The following COL27A1 variants were observed in gnomAD, a reference collection of about 807,000 sequenced individuals.
The protein encoded by COL27A1 is collagen alpha-1(XXVII) chain.
COL27A1 carries 106 observed loss-of-function variants against 251.3 expected under a neutral mutation model. That is an observed-to-expected ratio of 0.42 (90% CI 0.36 to 0.50). The LOEUF (loss-of-function observed/expected upper bound fraction) is 0.50. Ranked by LOEUF, COL27A1 falls within the 20% of genes least tolerant of loss-of-function variation. COL27A1 has a pLI of 0.00. For synonymous variants in COL27A1, 1,000 were observed against 986.3 expected (o/e 1.01, Z -0.26); for missense variants, 2,325 against 2,522.8 (o/e 0.92, Z 1.68).
chr9:114,258,693 C>A, intron 28 of COL27A1, 99 bp downstream of exon 28: 1 of 1,246,270 alleles, frequency 8.0e-7, no homozygotes, highest in Non-Finnish European at 1.1e-6. Context: ...GCCCCTAGCC[C>A]AGCTCTGGGA....
At chr9:114,258,340 G>A (rs1057068995) in intron 27 of COL27A1, among the ~76,000 whole-genome samples, 1 of 152,168 alleles carries the variant, frequency 6.6e-6, no homozygotes, top group Admixed American at 6.5e-5. Context: ...GGCTGTGTTC[G>A]AGGCTGTGGC....
At chr9:114,309,926 C>T (rs920318287) in intron 60 of COL27A1, among the ~76,000 whole-genome samples, 2 of 152,192 alleles carry the variant, frequency 1.3e-5, no homozygotes, top group Non-Finnish European at 2.9e-5. Flanking sequence ...AATAATACTA[C>T]ACAGTGTTCA....
At chr9:114,165,237 A>G (rs1848748795) in intron 2 of COL27A1, among the ~76,000 whole-genome samples, 1 of 152,148 alleles carries the variant, frequency 6.6e-6, no homozygotes. Context: ...CCATTATAAC[A>G]TGCTGCCAGC....
chr9:114,211,192 CG>C (rs1383112492), intron 12 of COL27A1, among the ~76,000 whole-genome samples, 166 bp downstream of exon 12: 3 of 152,216 alleles, frequency 2.0e-5, no homozygotes, highest in Non-Finnish European at 4.4e-5. Context: ...TGCTGGCACA[CG>C]GCGTGACTGG....
At chr9:114,306,282 A>G (rs1829039658) in intron 57 of COL27A1, 2 of 467,340 alleles carry the variant, frequency 4.3e-6, no homozygotes, top group Middle Eastern at 5.8e-4. Context: ...ATCAGAGAAC[A>G]TGGTCTGACC....
chr9:114,180,406 AG>A (rs1381584255), intron 4 of COL27A1, among the ~76,000 whole-genome samples: 2 of 152,096 alleles, frequency 1.3e-5, no homozygotes, highest in African/African-American at 4.8e-5. Flanking sequence ...GGTCATGGTA[AG>A]GCATTTCTAA....
intron 24 of COL27A1, among the ~76,000 whole-genome samples, chr9:114,247,034 T>A (rs1833189849): frequency 6.6e-6 from 1 of 152,216 alleles, no homozygotes; most frequent in South Asian, 2.1e-4. Flanking sequence ...CTTGGATTTC[T>A]TTGCCAGGCT....
chr9:114,301,868 G>A (rs958790492), intron 55 of COL27A1, 151 bp downstream of exon 55: 10 of 930,312 alleles, frequency 1.1e-5, no homozygotes, highest in Middle Eastern at 4.5e-4. Flanking sequence ...GGCATCCCCC[G>A]AACATTCACT....
chr9:114,182,270 G>A, intron 4 of COL27A1, among the ~76,000 whole-genome samples: 1 of 151,622 alleles, frequency 6.6e-6, no homozygotes, highest in Non-Finnish European at 1.5e-5. Flanking sequence ...CAGCTACTCA[G>A]GAGGCTAAGG....
chr9:114,273,172 G>GAACA (rs1835264820), intron 36 of COL27A1: 1 of 149,700 alleles, frequency 6.7e-6, no homozygotes, highest in African/African-American at 2.5e-5. Flanking sequence ...TAGCCACCTG[G>GAACA]AACAGGCTGT....
intron 24 of COL27A1, among the ~76,000 whole-genome samples, chr9:114,250,132 C>T (rs1833426749): frequency 6.6e-6 from 1 of 152,238 alleles, no homozygotes. Context: ...GGAGGCCTTT[C>T]AGAAGACAGT....
At chr9:114,236,163 C>T (rs1832385714) in intron 17 of COL27A1, among the ~76,000 whole-genome samples, 2 of 152,166 alleles carry the variant, frequency 1.3e-5, no homozygotes, top group Admixed American at 6.5e-5. Context: ...CACCACCCTG[C>T]TCAGAGCCCT....
intron 1 of COL27A1, among the ~76,000 whole-genome samples, chr9:114,156,974 C>G (rs76638382): frequency 0.14 from 21,912 of 152,076 alleles, 2,090 homozygotes; most frequent in East Asian, 0.46. Context: ...GCCCTGCCCC[C>G]TTTGAGCTGG....
chr9:114,183,702 A>G (rs1023631904), intron 5 of COL27A1, among the ~76,000 whole-genome samples: 16 of 152,160 alleles, frequency 1.1e-4, no homozygotes, highest in African/African-American at 3.9e-4. Context: ...TGTTGCACGC[A>G]GGAACATGTA....
At position 114,310,644 on chromosome 9, in the gene COL27A1, C is replaced by G; in HGVS notation, c.5532C>G (p.Ala1844=). ...PIISVDNLPP[A]SSGKQYRLEV... Reference sequence around the variant, plus strand: ...TCAGTGTGGACAACCTCCCTCCTGCCTCATCAGGGAAGCAGTACCGCCTGG... The same window carrying G: ...TCAGTGTGGACAACCTCCCTCCTGCGTCATCAGGGAAGCAGTACCGCCTGG... The change falls in exon 61 of 61, where the codon GCC becomes GCG. Residue 1844 remains alanine (A), a synonymous_variant. Transcript: ENST00000356083. 6.2e-7 allele frequency: 1 copy of G among 1,614,212 alleles called. No individual in the cohort carries two copies. The highest frequency in any genetic ancestry group is 8.5e-7 in the Non-Finnish European group (1 of 1,180,040).
At chr9:114,158,884 A>G (rs1848305216) in intron 1 of COL27A1, among the ~76,000 whole-genome samples, 1 of 152,230 alleles carries the variant, frequency 6.6e-6, no homozygotes, top group Admixed American at 6.5e-5. Flanking sequence ...AATGAAAAGG[A>G]CTATCTGTTA....
chr9:114,302,764 G>A (rs966916235), intron 56 of COL27A1, among the ~76,000 whole-genome samples: 1 of 150,320 alleles, frequency 6.7e-6, no homozygotes. Flanking sequence ...GGCCAGGGGG[G>A]CAGATTGGGG....
At chr9:114,284,804 C>T in intron 41 of COL27A1, 27 bp downstream of exon 41, 1 of 1,613,466 alleles carries the variant, frequency 6.2e-7, no homozygotes, top group South Asian at 1.1e-5. Flanking sequence ...GGGAAAGCAG[C>T]TGCACCCTCG....
At chr9:114,220,152 C>G (rs529208589) in intron 13 of COL27A1, among the ~76,000 whole-genome samples, 26 of 152,338 alleles carry the variant, frequency 1.7e-4, no homozygotes, top group African/African-American at 6.3e-4. Flanking sequence ...GAGGCCCCAG[C>G]TGCTGCCATC....
Sources: gnomAD v4.1 joint callset for allele counts (sites outside exome capture counted in the v4.1 genomes callset) on GRCh38, gnomAD v4.1.1 for gene constraint, MANE v1.5 for transcripts, NCBI Gene and HGNC (gene_info 2026-07-23, HGNC 2026-07-21) for gene names.